The following BLOC1S5 variants were observed in gnomAD, a reference collection of about 807,000 sequenced individuals.
BLOC1S5 encodes the protein biogenesis of lysosome-related organelles complex 1 subunit 5.
BLOC1S5 carries 27 observed loss-of-function variants against 24.3 expected under a neutral mutation model. That is an observed-to-expected ratio of 1.11 (90% CI 0.82 to 1.53). The LOEUF (loss-of-function observed/expected upper bound fraction) is 1.53, where lower values mean the gene tolerates loss of function less well. Among genes scored for constraint, BLOC1S5 ranks in the 40% most tolerant of loss-of-function variants. The pLI is 0.00. For synonymous variants in BLOC1S5, 84 were observed against 74.5 expected, an observed-to-expected ratio of 1.13 and a Z score of -0.66; for missense variants, 239 against 229.4, an observed-to-expected ratio of 1.04 and a Z score of -0.27.
At chr6:8,051,774 A>G (rs1479709777) in intron 2 of BLOC1S5, among the ~76,000 whole-genome samples, 4 of 152,180 alleles carry the variant, frequency 2.6e-5, no homozygotes, top group Non-Finnish European at 4.4e-5. Context: ...TGCTTTATAA[A>G]AGGAACAACA....
At chr6:8,062,764 G>GTACACATCCACTGGCA in intron 1 of BLOC1S5, 148 bp from the exon 2 acceptor site, 1 of 569,696 alleles carries the variant, frequency 1.8e-6, no homozygotes, top group Non-Finnish European at 3.1e-6. Flanking sequence ...CACTGCCAGT[G>GTACACATCCACTGGCA]GATGTGTACA....
At chr6:8,025,920 T>A (rs1763086373) in intron 4 of BLOC1S5, among the ~76,000 whole-genome samples, 1 of 152,222 alleles carries the variant, frequency 6.6e-6, no homozygotes, top group African/African-American at 2.4e-5. Flanking sequence ...ATAATTCAAA[T>A]AAGCAAAGCA....
intron 3 of BLOC1S5, 37 bp from the exon 4 acceptor site, chr6:8,026,462 C>T: frequency 6.4e-7 from 1 of 1,566,382 alleles, no homozygotes; most frequent in Non-Finnish European, 8.8e-7. Context: ...AGTCAGCAGA[C>T]CATGTTCAAG....
chr6:8,022,015 AAGATAATTTGAAATAG>A (rs1297977027), intron 4 of BLOC1S5, among the ~76,000 whole-genome samples: 10 of 152,260 alleles, frequency 6.6e-5, no homozygotes, highest in African/African-American at 1.4e-4. Context: ...CCACCAATTA[AAGATAATTTGAAATAG>A]AGATAATTTG....
intron 3 of BLOC1S5, among the ~76,000 whole-genome samples, chr6:8,034,957 A>C (rs886391912): frequency 1.4e-5 from 2 of 138,832 alleles, no homozygotes; most frequent in African/African-American, 3.2e-5. Context: ...ACATATGCAT[A>C]CACACACACA....
chr6:8,054,693 A>G (rs985941390), intron 2 of BLOC1S5, among the ~76,000 whole-genome samples: 1 of 152,230 alleles, frequency 6.6e-6, no homozygotes, highest in African/African-American at 2.4e-5. Flanking sequence ...CTCTTTTTCT[A>G]TAAAGTCTAA....
At chr6:8,054,828 T>G (rs1419937316) in intron 2 of BLOC1S5, among the ~76,000 whole-genome samples, 1 of 152,222 alleles carries the variant, frequency 6.6e-6, no homozygotes, top group Non-Finnish European at 1.5e-5. Context: ...TTCTAGTTTT[T>G]GTATTTATAT....
chr6:8,044,537 T>C (rs1763809625), intron 2 of BLOC1S5, among the ~76,000 whole-genome samples: 1 of 152,112 alleles, frequency 6.6e-6, no homozygotes, highest in Admixed American at 6.6e-5. Flanking sequence ...TGGAACAGTT[T>C]GGAGGGCTCA....
intron 2 of BLOC1S5, among the ~76,000 whole-genome samples, chr6:8,048,316 T>C (rs1173687008): frequency 6.6e-6 from 1 of 152,246 alleles, no homozygotes; most frequent in Non-Finnish European, 1.5e-5. Flanking sequence ...TGAGCAGGTG[T>C]CTAACCTCCC....
chr6:8,056,649 G>A (rs1200684960), intron 2 of BLOC1S5, among the ~76,000 whole-genome samples: 1 of 152,182 alleles, frequency 6.6e-6, no homozygotes, highest in African/African-American at 2.4e-5. Flanking sequence ...AGAACAGAGA[G>A]TGGAGCTATG....
chr6:8,049,009 CAAAAGAAAG>C (rs1473387670), intron 2 of BLOC1S5, among the ~76,000 whole-genome samples: 7 of 131,720 alleles, frequency 5.3e-5, no homozygotes, highest in Non-Finnish European at 1.1e-4. Context: ...GACTCCGCCT[CAAAAGAAAG>C]AAAAGAAAGG....
In BLOC1S5 at chr6:8,026,444, G is replaced by A. The variant is rs751357395; in HGVS notation, c.326-19C>T. ...GCTTGCACTGAAATGAAAAAGACAT[G>A]GGTTTTCAGTCAGCAGACCATGTTC... On this transcript the variant is annotated intron_variant, in intron 3 of 4. Transcript: ENST00000397457. The A allele has an allele frequency of 1.2e-6, 2 of 1,606,488 alleles. No homozygotes were observed. The highest frequency in any genetic ancestry group is 1.7e-6 in the Non-Finnish European group (2 of 1,173,918).
At chr6:8,032,765 C>G (rs1243340076) in intron 3 of BLOC1S5, among the ~76,000 whole-genome samples, 1 of 152,182 alleles carries the variant, frequency 6.6e-6, no homozygotes, top group Non-Finnish European at 1.5e-5. Context: ...AGCTGATAAG[C>G]AACTTCAGCA....
chr6:8,041,673 G>T (rs1763695260), intron 2 of BLOC1S5, among the ~76,000 whole-genome samples: 1 of 40,368 alleles, frequency 2.5e-5, no homozygotes, highest in Non-Finnish European at 6.4e-5. Context: ...TTGAGATGCA[G>T]TCTCGCCCTG....
chr6:8,033,690 C>A (rs1284782472), intron 3 of BLOC1S5, among the ~76,000 whole-genome samples: 1 of 152,150 alleles, frequency 6.6e-6, no homozygotes, highest in South Asian at 2.1e-4. Flanking sequence ...AGTGAACAGG[C>A]AACCTACAGA....
At chr6:8,040,898 T>C (rs76715603) in intron 3 of BLOC1S5, among the ~76,000 whole-genome samples, 5,927 of 152,188 alleles carry the variant, frequency 0.039, 369 homozygotes, top group African/African-American at 0.13. Flanking sequence ...AAAACTGTTT[T>C]GACTTTCTCA....
At chr6:8,053,748 T>G (rs1764213047) in intron 2 of BLOC1S5, among the ~76,000 whole-genome samples, 1 of 152,144 alleles carries the variant, frequency 6.6e-6, no homozygotes, top group Non-Finnish European at 1.5e-5. Flanking sequence ...AACAGAAACG[T>G]GATATAGACT....
intron 1 of BLOC1S5, among the ~76,000 whole-genome samples, chr6:8,063,353 T>C (rs1015798604): frequency 6.6e-6 from 1 of 152,196 alleles, no homozygotes; most frequent in African/African-American, 2.4e-5. Flanking sequence ...AGAAAAGGTC[T>C]GAATTTAAGT....
intron 3 of BLOC1S5, among the ~76,000 whole-genome samples, chr6:8,035,359 T>TAA (rs60896604): frequency 0.13 from 19,396 of 148,494 alleles, 1,433 homozygotes; most frequent in South Asian, 0.26. Flanking sequence ...TTTTTTTTTT[T>TAA]AAAAAAAAGG....
Sources: allele counts gnomAD v4.1 joint callset (sites outside exome capture counted in the v4.1 genomes callset), GRCh38; gene constraint gnomAD v4.1.1; transcripts MANE v1.5; gene names NCBI Gene and HGNC (gene_info 2026-07-23, HGNC 2026-07-21).